The following GLRA3 variants were observed in gnomAD, a reference collection of about 807,000 sequenced individuals.
GLRA3 encodes glycine receptor subunit alpha-3.
Under a neutral mutation model 60.4 loss-of-function variants are expected in GLRA3, and 44 were observed. The ratio of observed to expected loss-of-function variants is 0.73; its 90% confidence interval spans 0.57 to 0.94. The LOEUF is 0.94. GLRA3 is among the 40% of genes least tolerant of loss of function. The pLI, the probability that GLRA3 is intolerant of heterozygous loss-of-function variation, is 0.00. For synonymous variants in GLRA3, 223 were observed against 192.9 expected (o/e 1.16, Z -1.29); for missense variants, 508 against 564.6 (o/e 0.90, Z 1.02).
intron 1 of GLRA3, among the ~76,000 whole-genome samples, chr4:174,828,487 A>G (rs1436796450): frequency 3.3e-5 from 5 of 152,272 alleles, no homozygotes; most frequent in Non-Finnish European, 5.9e-5. Context: ...GGCTTTTAAA[A>G]TAATTTTTTT....
chr4:174,738,609 G>T (rs1736890231), intron 3 of GLRA3, among the ~76,000 whole-genome samples: 1 of 152,158 alleles, frequency 6.6e-6, no homozygotes, highest in South Asian at 2.1e-4. Context: ...GAAACTTTTA[G>T]AAATACTTAA....
At chr4:174,802,424 C>T (rs1369038677) in intron 1 of GLRA3, among the ~76,000 whole-genome samples, 1 of 152,044 alleles carries the variant, frequency 6.6e-6, no homozygotes, top group East Asian at 1.9e-4. Flanking sequence ...CAACAAAATC[C>T]TCATCTATCA....
Position 174,747,217 on chromosome 4 carries a change from C to T in GLRA3, c.268-18519G>A, listed in dbSNP as rs80243563. Among the ~76,000 whole-genome samples, 1,421 of 152,010 alleles carry T rather than the reference C, an allele frequency of 9.3e-3. 21 individuals carry two copies. Among genetic ancestry groups the T allele is most frequent in the African/African-American group, 0.032 (1,342 of 41,444 alleles). The stretch of plus-strand genomic sequence containing the variant: ...AGGTGAATATCAAAGAGTTAGACAA[C>T]GAGGACATAAGGGCAGTGGTGGAAA... On this transcript the variant is annotated intron_variant, in intron 3 of 9. Coordinates refer to ENST00000274093, the MANE Select transcript of GLRA3 (RefSeq NM_006529.4).
At chr4:174,681,980 G>C (rs1438740310) in intron 6 of GLRA3, among the ~76,000 whole-genome samples, 1 of 152,176 alleles carries the variant, frequency 6.6e-6, no homozygotes, top group African/African-American at 2.4e-5. Context: ...AGAGAGACTA[G>C]GGACTTTGAA....
intron 3 of GLRA3, among the ~76,000 whole-genome samples, chr4:174,738,762 C>A (rs1736895867): frequency 6.6e-6 from 1 of 152,152 alleles, no homozygotes; most frequent in Non-Finnish European, 1.5e-5. Context: ...AACACATGTA[C>A]TAAATTAAGC....
At chr4:174,721,962 A>G (rs1736150078) in intron 4 of GLRA3, among the ~76,000 whole-genome samples, 1 of 152,140 alleles carries the variant, frequency 6.6e-6, no homozygotes, top group South Asian at 2.1e-4. Flanking sequence ...CTAAGAGAAA[A>G]GATCTACAGA....
At position 174,677,212 on chromosome 4, in the gene GLRA3, G is replaced by A; in HGVS notation, c.793C>T (p.Leu265Phe). Residue 265 changes from leucine to phenylalanine, a missense_variant, in exon 7 of 10, where the codon CTC (leucine) becomes TTC (phenylalanine). Leu to Phe is a conservative substitution (Grantham distance 22). Coordinates refer to ENST00000274093, the MANE Select transcript of GLRA3 (RefSeq NM_006529.4). ...ACCCAGGATAGAATAACAATCAGGA[G>A]ACTGGGAATGTACATCTGGATCAGA... Reference protein sequence around the residue: ...YYLIQMYIPSLLIVILSWVSF... With the variant: ...YYLIQMYIPSFLIVILSWVSF... The A allele has an allele frequency of 1.2e-6, 2 of 1,611,582 alleles. No individual in the cohort carries two copies. The highest frequency in any genetic ancestry group is 1.7e-6 in the Non-Finnish European group (2 of 1,177,738).
chr4:174,653,478 C>T (rs1018155725), intron 9 of GLRA3, among the ~76,000 whole-genome samples: 1 of 151,788 alleles, frequency 6.6e-6, no homozygotes, highest in Admixed American at 6.6e-5. Context: ...GAGAACCCTG[C>T]ATTTATTATA....
chr4:174,766,629 T>A (rs908536139), intron 3 of GLRA3, among the ~76,000 whole-genome samples: 1 of 152,102 alleles, frequency 6.6e-6, no homozygotes, highest in African/African-American at 2.4e-5. Flanking sequence ...AGAGTAAACA[T>A]GTAAGTATTT....
chr4:174,723,304 T>C lies in GLRA3; in HGVS notation c.491+5171A>G, dbSNP rs372767525. On this transcript the variant is annotated intron_variant, in intron 4 of 9. Transcript: ENST00000274093. ...TTCTTAATAACAAGATCTATCCTAT[T>C]TGACAAATTTTTAGGATGGACGGAA... Among the ~76,000 whole-genome samples the C allele has an allele frequency of 1.2e-4, 19 of 152,266 alleles. No individual in the cohort carries two copies. In the South Asian group the frequency reaches 3.9e-3, roughly 32 times the overall value.
chr4:174,816,333 C>A (rs1264912632), intron 1 of GLRA3, among the ~76,000 whole-genome samples: 2 of 152,160 alleles, frequency 1.3e-5, no homozygotes, highest in African/African-American at 4.8e-5. Flanking sequence ...CTGGATGAAA[C>A]GTCCAAGTGT....
At chr4:174,826,249 G>A (rs1468689865) in intron 1 of GLRA3, among the ~76,000 whole-genome samples, 1 of 152,184 alleles carries the variant, frequency 6.6e-6, no homozygotes, top group Non-Finnish European at 1.5e-5. Context: ...ATACAACAAT[G>A]AGAATGAATA....
intron 2 of GLRA3, among the ~76,000 whole-genome samples, chr4:174,785,779 C>CT (rs1467887725): frequency 1.3e-5 from 2 of 151,720 alleles, no homozygotes; most frequent in Non-Finnish European, 2.9e-5. Context: ...CATTCTTCTT[C>CT]TTTTTTAAGA....
intron 7 of GLRA3, among the ~76,000 whole-genome samples, chr4:174,666,967 A>G (rs887095117): frequency 1.3e-5 from 2 of 151,828 alleles, no homozygotes; most frequent in Non-Finnish European, 2.9e-5. Context: ...AGTAGCAAAC[A>G]ACCACAAAAT....
At chr4:174,811,402 C>T (rs1293954695) in intron 1 of GLRA3, among the ~76,000 whole-genome samples, 1 of 152,020 alleles carries the variant, frequency 6.6e-6, no homozygotes, top group African/African-American at 2.4e-5. Flanking sequence ...TATTCAAAAT[C>T]CAGGATGTGG....
At chr4:174,792,854 G>C (rs927092933) in intron 1 of GLRA3, among the ~76,000 whole-genome samples, 29 of 152,122 alleles carry the variant, frequency 1.9e-4, no homozygotes, top group Admixed American at 1.6e-3. Context: ...AGGCCTTAAA[G>C]GAGTTCAGAC....
chr4:174,705,290 T>C (rs7689256), intron 5 of GLRA3, among the ~76,000 whole-genome samples: 64,130 of 142,102 alleles, frequency 0.45, 19,670 homozygotes, highest in East Asian at 0.92. Flanking sequence ...GGTGATGCAA[T>C]GAAAACGCCC....
At chr4:174,815,594 C>T (rs1028034873) in intron 1 of GLRA3, among the ~76,000 whole-genome samples, 5 of 152,186 alleles carry the variant, frequency 3.3e-5, no homozygotes, top group East Asian at 3.9e-4. Flanking sequence ...TCTTGACTTG[C>T]GTGCACCCAC....
At chr4:174,700,112 T>C (rs1735248614) in intron 5 of GLRA3, among the ~76,000 whole-genome samples, 1 of 152,132 alleles carries the variant, frequency 6.6e-6, no homozygotes, top group Non-Finnish European at 1.5e-5. Context: ...GAAACAGTGA[T>C]TGTAATTAGG....
Sources: allele counts gnomAD v4.1 joint callset (sites outside exome capture counted in the v4.1 genomes callset), GRCh38; gene constraint gnomAD v4.1.1; transcripts MANE v1.5; gene names NCBI Gene and HGNC (gene_info 2026-07-23, HGNC 2026-07-21).